TTN: variants seen among roughly 807,000 people sequenced by gnomAD.
The protein encoded by TTN is titin.
A neutral mutation model predicts 3,223.0 loss-of-function variants in TTN; 1,525 were observed. The ratio of observed to expected loss-of-function variants is 0.47; its 90% CI spans 0.45 to 0.49. TTN has a LOEUF of 0.49. Ranked by LOEUF, TTN falls within the 20% of genes least tolerant of loss-of-function variation. The probability of loss-of-function intolerance (pLI) is 0.00; values close to 1 mark genes in which losing one functional copy is unlikely to be tolerated. For synonymous variants in TTN, 14,094 were observed against 15,161.0 expected (o/e 0.93, Z 5.17); for missense variants, 40,786 against 43,424.0 (o/e 0.94, Z 5.40).
rs2058234369 is a variant in TTN at position 178,621,337 on chromosome 2, T to C, written c.45381A>G (p.Gln15127=). Residue 15127 remains glutamine (Q), a synonymous_variant, in exon 246 of 363, where the codon CAA becomes CAG. Coordinates refer to ENST00000589042, the MANE Select transcript of TTN (RefSeq NM_001267550.2). ...TTTCTCCTTCAAGTATTTCAAGGTT[T>C]TGAGGCTTTGAGATAAATTCAGCAG... The part of the protein sequence containing the change: ...ELAAEFISKP[Q]NLEILEGEKA... The C allele has an allele frequency of 3.1e-6, 5 of 1,611,460 alleles. No homozygotes were observed. In the South Asian group the frequency reaches 4.4e-5, roughly 14 times the overall value.
At position 178,526,421 on chromosome 2, in the gene TTN, G is replaced by A. The variant is rs1211671078; in HGVS notation, c.*591C>T. 6.6e-6 allele frequency: 1 copy of A among 152,618 alleles called. No individual in the cohort carries two copies. Among genetic ancestry groups the A allele is most frequent in the Non-Finnish European group, 1.5e-5 (1 of 68,050 alleles). 9.5% of individuals were successfully genotyped at this position (152,618 alleles called of 1,614,324 possible). A position where few individuals can be genotyped will look rare whatever the true frequency, so the allele number is the denominator to read the frequency against. On this transcript the variant is annotated 3_prime_UTR_variant, in exon 363 of 363. Coordinates refer to ENST00000589042, the MANE Select transcript of TTN (RefSeq NM_001267550.2). ...AGTGTTGGCCGTTACACTTTGCTCT[G>A]GTAATATTTGTCATGATAATTTTGT...
At chr2:178,786,631 T>C (rs1181817824) in intron 13 of TTN, among the ~76,000 whole-genome samples, 1 of 152,190 alleles carries the variant, frequency 6.6e-6, no homozygotes, top group Non-Finnish European at 1.5e-5. Flanking sequence ...AGTTATATGG[T>C]TGCATGCAAA....
chr2:178,539,190 G>T lies in TTN; in HGVS notation c.98745C>A (p.Ser32915Arg). Residue 32915 changes from serine to arginine, a missense_variant, in exon 353 of 363, where the codon AGC (serine) becomes AGA (arginine). Coordinates refer to ENST00000589042, the MANE Select transcript of TTN (RefSeq NM_001267550.2). ...CATCTTTGGGCCGGGACCAGGACAA[G>T]CTAACAGAACTCTTGGTTACATCGA... ...EVLDVTKSSV[S>R]LSWSRPKDDG... 1.9e-6 allele frequency: 3 copies of T among 1,613,812 alleles called. No individual in the cohort carries two copies. Among genetic ancestry groups the T allele is most frequent in the Non-Finnish European group, 2.5e-6 (3 of 1,179,760 alleles).
At chr2:178,788,290 C>G (rs1037172074) in intron 13 of TTN, among the ~76,000 whole-genome samples, 1 of 152,056 alleles carries the variant, frequency 6.6e-6, no homozygotes, top group Non-Finnish European at 1.5e-5. Flanking sequence ...ACTACTACTT[C>G]AGGTATAAAC....
chr2:178,738,500 G>GACTGGAAA, intron 48 of TTN, 140 bp from the exon 49 acceptor site: 1 of 1,046,132 alleles, frequency 9.6e-7, no homozygotes, highest in East Asian at 2.7e-5. Flanking sequence ...TAAGGCAAGT[G>GACTGGAAA]ACTGGAAAAT....
chr2:178,753,140 A>C lies in TTN; in HGVS notation c.11295T>G (p.Ile3765Met). ...SILHERIEQEIEMEMKEFSSS... is the reference protein window; with the variant it reads ...SILHERIEQEMEMEMKEFSSS... Reference sequence around the variant, plus strand: ...TAACAATACCTTTCATTTCCATCTCAATCTCTTGTTCAATCCTCTCATGCA... The same window carrying C: ...TAACAATACCTTTCATTTCCATCTCCATCTCTTGTTCAATCCTCTCATGCA... The change falls in exon 47 of 363, where the codon ATT becomes ATG. Residue 3765 changes from isoleucine to methionine, a missense_variant. Coordinates refer to ENST00000589042, the MANE Select transcript of TTN (RefSeq NM_001267550.2). 1 of 1,609,544 alleles carries C rather than the reference A, an allele frequency of 6.2e-7. No homozygotes were observed. The highest frequency in any genetic ancestry group is 8.5e-7 in the Non-Finnish European group (1 of 1,177,368).
Position 178,553,405 on chromosome 2 carries a change from A to G in TTN, c.89504-9T>C. 6.3e-7 allele frequency: 1 copy of G among 1,583,174 alleles called. No individual in the cohort carries two copies. The highest frequency in any genetic ancestry group is 8.6e-7 in the Non-Finnish European group (1 of 1,165,332). On this transcript the variant is annotated splice_polypyrimidine_tract_variant and intron_variant, in intron 334 of 362. Coordinates refer to ENST00000589042, the MANE Select transcript of TTN (RefSeq NM_001267550.2). Reference sequence around the variant, plus strand: ...GTCAATCTCTGGTGCCTCTGTAGACATAAAATGGATACATACAGTGAATTT... The same window carrying G: ...GTCAATCTCTGGTGCCTCTGTAGACGTAAAATGGATACATACAGTGAATTT...
In TTN at chr2:178,576,511, A is replaced by G; in HGVS notation, c.69715+18T>C. On this transcript the variant is annotated intron_variant, in intron 325 of 362. Transcript: ENST00000589042. This position sits in a 1 kb window ranked among gnomAD's most constrained non-coding sequence, Gnocchi z 4.3. ...TGGCACTCTGGAATGAACGGTGTTG[A>G]AAAAGACAAATACTAACATGCTGCA... 1 of 1,609,524 alleles carries G rather than the reference A, an allele frequency of 6.2e-7. No individual in the cohort carries two copies. The highest frequency in any genetic ancestry group is 1.7e-5 in the Admixed American group (1 of 59,078).
Position 178,730,328 on chromosome 2 carries a change from AT to A in TTN, c.18071del (p.Asn6024IlefsTer8). 6.2e-7 allele frequency: 1 copy of A among 1,610,756 alleles called. No individual in the cohort carries two copies. Among genetic ancestry groups the A allele is most frequent in the Non-Finnish European group, 8.5e-7 (1 of 1,178,206 alleles). ...CCTTTAACTGTACCCTTGTGTTGGG[AT>A]TGACATCTTGTGACTGTGGCTTTTC... Reference protein sequence around the residue: ...FVEKPQSQDVNPNTRVQLKAL... With the variant: ...FVEKPQSQDVXPNTRVQLKAL... On this transcript the variant is annotated frameshift_variant, in exon 62 of 363. Coordinates refer to ENST00000589042, the MANE Select transcript of TTN (RefSeq NM_001267550.2). LOFTEE classifies it high-confidence loss of function.
At chr2:178,665,079 G>C (rs1401965220) in intron 165 of TTN, among the ~76,000 whole-genome samples, 153 bp from the exon 166 acceptor site, 2 of 152,034 alleles carry the variant, frequency 1.3e-5, no homozygotes, top group African/African-American at 4.8e-5. Context: ...GGGGTTAGTG[G>C]ATCCTTGAGA....
rs1559625325 is a variant in TTN, at chr2:178,594,531, T to C, written c.57963A>G (p.Leu19321=). ...DGGSEIINYV[L]ESRLIGTEKF... ...TCTCAGTCCCAATGAGCCGACTTTC[T>C]AGGACATAGTTAATAATTTCTGACC... Residue 19321 remains leucine, a synonymous_variant, in exon 296 of 363, where the codon CTA becomes CTG. Coordinates refer to ENST00000589042, the MANE Select transcript of TTN (RefSeq NM_001267550.2). 6.2e-7 allele frequency: 1 copy of C among 1,613,408 alleles called. No homozygotes were observed. The highest frequency in any genetic ancestry group is 1.7e-4 in the Middle Eastern group (1 of 6,054).
chr2:178,756,165 A>G, intron 46 of TTN, 57 bp downstream of exon 46: 1 of 1,275,834 alleles, frequency 7.8e-7, no homozygotes, highest in Non-Finnish European at 1.1e-6. Flanking sequence ...ATGGCAGAAA[A>G]GCTGCATAAA....
In TTN at chr2:178,602,065, G is replaced by T. The variant is rs368272978; in HGVS notation, c.55206C>A (p.Ile18402=). Residue 18402 remains isoleucine (I), a synonymous_variant, in exon 284 of 363, where the codon ATC becomes ATA. Coordinates refer to ENST00000589042, the MANE Select transcript of TTN (RefSeq NM_001267550.2). ...ATGATTTTGGTGTTGGGCGTCCCTT[G>T]ATGACAGCAGGAATCCTAATCTGTG... ...AGSQIRIPAV[I]KGRPTPKSSW... is the part of the protein sequence containing the mutation. The T allele has an allele frequency of 8.7e-6, 14 of 1,612,622 alleles. No individual in the cohort carries two copies. The highest frequency in any genetic ancestry group is 1.2e-5 in the Non-Finnish European group (14 of 1,179,230).
intron 106 of TTN, among the ~76,000 whole-genome samples, chr2:178,703,154 A>G (rs945038661): frequency 2.6e-5 from 4 of 152,310 alleles, no homozygotes; most frequent in Non-Finnish European, 4.4e-5. Context: ...AATTTCAAAA[A>G]GAAAAATTTT....
rs1575784666 is a variant in TTN at position 178,574,186 on chromosome 2, A to G, written c.71946T>C (p.Asn23982=). The change falls in exon 326 of 363, where the codon AAT becomes AAC. Residue 23982 remains asparagine, a synonymous_variant. Coordinates refer to ENST00000589042, the MANE Select transcript of TTN (RefSeq NM_001267550.2). ...CTGTTAGGCCACTGACTGTAAATTCATTCTCCAAAATGTTGCTGAAGTTGG... is the reference window on the plus strand; with the variant it reads ...CTGTTAGGCCACTGACTGTAAATTCGTTCTCCAAAATGTTGCTGAAGTTGG... ...LKANFSNILE[N]EFTVSGLTED... 6.2e-7 allele frequency: 1 copy of G among 1,613,402 alleles called. No homozygotes were observed. Among genetic ancestry groups the G allele is most frequent in the Non-Finnish European group, 8.5e-7 (1 of 1,179,644 alleles).
chr2:178,551,655 T>G lies in TTN; in HGVS notation c.91245A>C (p.Lys30415Asn). 2 of 1,591,050 alleles carry G rather than the reference T, an allele frequency of 1.3e-6. No individual in the cohort carries two copies. Among genetic ancestry groups the G allele is most frequent in the Non-Finnish European group, 1.7e-6 (2 of 1,167,672 alleles). ...CTACTGGAGAAACAGCTAAGGTAAA[T>G]TTGCTTGGGTCACTAGGTGAGCTTA... ...AGLSSPSDPSKFTLAVSPVDP... is the reference protein window; with the variant it reads ...AGLSSPSDPSNFTLAVSPVDP... Residue 30415 changes from lysine to asparagine, a missense_variant, in exon 335 of 363, where the codon AAA becomes AAC. Lys to Asn is a moderately conservative substitution (Grantham distance 94). Transcript: ENST00000589042.
At chr2:178,696,567 G>A (rs1415957350) in intron 113 of TTN, among the ~76,000 whole-genome samples, 1 of 151,690 alleles carries the variant, frequency 6.6e-6, no homozygotes, top group African/African-American at 2.4e-5. Context: ...AGAACCCCTA[G>A]TTTCTTCCAG....
Position 178,571,907 on chromosome 2 carries a change from C to T in TTN, c.74225G>A (p.Arg24742His), listed in dbSNP as rs761823581. Residue 24742 changes from arginine to histidine, a missense_variant, in exon 326 of 363, where the codon CGC (arginine) becomes CAC (histidine). Transcript: ENST00000589042. ...DLKVDVPFIG[R>H]PTPAVTWHKD... ...ATGCCAGGTTACAGCTGGGGTAGGG[C>T]GGCCAATGAATGGAACATCAACTTT... 21 of 1,613,026 alleles carry T rather than the reference C, an allele frequency of 1.3e-5. No homozygotes were observed. The highest frequency in any genetic ancestry group is 6.7e-5 in the Admixed American group (4 of 59,950).
In TTN at chr2:178,546,254, C is replaced by T. The variant is rs928573760; in HGVS notation, c.95077G>A (p.Ala31693Thr). The change falls in exon 342 of 363, where the codon GCC (alanine) becomes ACC (threonine). Residue 31693 changes from alanine (A) to threonine (T), a missense_variant. Transcript: ENST00000589042. The part of the protein sequence containing the change: ...SGKYTLTVKN[A>T]SGTKAVSVMV... ...ACAGACACGGCCTTGGTCCCGCTGG[C>T]ATTTTTCACTGTTAAAGTGTATTTT... 1.1e-5 allele frequency: 17 copies of T among 1,613,416 alleles called. No individual in the cohort carries two copies. The highest frequency in any genetic ancestry group is 2.2e-5 in the East Asian group (1 of 44,876).
Sources: gnomAD v4.1 joint callset for allele counts (sites outside exome capture counted in the v4.1 genomes callset) on GRCh38, gnomAD v4.1.1 for gene constraint, Gnocchi (gnomAD v3.1) non-coding constraint, MANE v1.5 for transcripts, NCBI Gene and HGNC (gene_info 2026-07-23, HGNC 2026-07-21) for gene names.